The following CDK14 variants were observed in gnomAD, a reference collection of about 807,000 sequenced individuals.
CDK14 encodes cyclin dependent kinase 14, also known as cyclin-dependent kinase 14.
A neutral mutation model predicts 60.7 loss-of-function variants in CDK14; 34 were observed. The ratio of observed to expected loss-of-function variants is 0.56; its 90% confidence interval spans 0.43 to 0.75. The LOEUF is 0.75. Among genes scored for constraint, CDK14 ranks in the 30% least tolerant of loss-of-function variants. CDK14 has a pLI of 0.00. For synonymous variants in CDK14, 197 were observed against 203.7 expected, an observed-to-expected ratio of 0.97 and a Z score of 0.28; for missense variants, 482 against 564.1, an observed-to-expected ratio of 0.85 and a Z score of 1.47.
chr7:90,749,868 G>A (rs1396830918), intron 4 of CDK14, among the ~76,000 whole-genome samples: 1 of 152,186 alleles, frequency 6.6e-6, no homozygotes, highest in Non-Finnish European at 1.5e-5. Flanking sequence ...CCCCAGGACT[G>A]AGAAGGGAAC....
intron 10 of CDK14, among the ~76,000 whole-genome samples, chr7:91,025,619 T>C (rs952522256): frequency 6.6e-6 from 1 of 152,154 alleles, no homozygotes; most frequent in Non-Finnish European, 1.5e-5. Context: ...CTGACAAAGC[T>C]AGCAGGAGAA....
At position 90,790,612 on chromosome 7, in the gene CDK14, G is replaced by T; in HGVS notation, c.504G>T (p.Leu168=). The change falls in exon 5 of 15, where the codon CTG becomes CTT. Residue 168 remains leucine (L), a synonymous_variant. Transcript: ENST00000380050. Reference sequence around the variant, plus strand: ...TGGTAGCTCTGAAGGTGATCAGGCTGCAGGAAGAAGAAGGGACACCTTTCA... The same window carrying T: ...TGGTAGCTCTGAAGGTGATCAGGCTTCAGGAAGAAGAAGGGACACCTTTCA... ...GKLVALKVIR[L]QEEEGTPFTA... 1 of 1,612,890 alleles carries T rather than the reference G, an allele frequency of 6.2e-7. No homozygotes were observed.
At chr7:91,181,066 A>G (rs935487352) in intron 14 of CDK14, among the ~76,000 whole-genome samples, 3 of 152,176 alleles carry the variant, frequency 2.0e-5, no homozygotes, top group Admixed American at 1.3e-4. Flanking sequence ...TCACAACACC[A>G]TGGTCACACT....
chr7:90,722,976 C>G (rs1226135831), intron 2 of CDK14, among the ~76,000 whole-genome samples: 3 of 152,118 alleles, frequency 2.0e-5, no homozygotes, highest in Non-Finnish European at 2.9e-5. Flanking sequence ...ACTTAAAATA[C>G]AATGTTAAAT....
chr7:90,794,294 C>T (rs1331058192), intron 5 of CDK14, among the ~76,000 whole-genome samples: 2 of 152,134 alleles, frequency 1.3e-5, no homozygotes, highest in African/African-American at 4.8e-5. Context: ...TTCGGGCACG[C>T]ATTGTCATTG....
chr7:90,981,409 C>T (rs3808273), intron 9 of CDK14, among the ~76,000 whole-genome samples: 1 of 152,322 alleles, frequency 6.6e-6, no homozygotes, highest in East Asian at 1.9e-4. Context: ...AATAAAATTA[C>T]ATCCTATGAT....
intron 6 of CDK14, among the ~76,000 whole-genome samples, chr7:90,868,967 T>C (rs916954925): frequency 3.3e-5 from 5 of 152,214 alleles, no homozygotes; most frequent in Non-Finnish European, 7.3e-5. Context: ...GTCTAAGGTA[T>C]GTATGATGTT....
At chr7:90,924,020 C>A (rs892704065) in intron 8 of CDK14, among the ~76,000 whole-genome samples, 5 of 152,202 alleles carry the variant, frequency 3.3e-5, no homozygotes, top group African/African-American at 9.7e-5. Flanking sequence ...AGTGATTACA[C>A]TTGAACATTG....
At chr7:90,758,964 G>A (rs899314460) in intron 4 of CDK14, among the ~76,000 whole-genome samples, 2 of 151,272 alleles carry the variant, frequency 1.3e-5, no homozygotes, top group African/African-American at 4.9e-5. Flanking sequence ...GCTGAGGCAC[G>A]AGAGTCACTC....
At chr7:91,050,099 G>T (rs999728320) in intron 11 of CDK14, among the ~76,000 whole-genome samples, 2 of 152,230 alleles carry the variant, frequency 1.3e-5, no homozygotes, top group Admixed American at 6.5e-5. Flanking sequence ...ATGGGGAGGA[G>T]TGGAGGGCTG....
chr7:90,729,663 A>ATC (rs1802783576), intron 3 of CDK14, among the ~76,000 whole-genome samples: 1 of 151,188 alleles, frequency 6.6e-6, no homozygotes, highest in African/African-American at 2.4e-5. Flanking sequence ...TTTAATATAT[A>ATC]TTAGGTCATT....
At chr7:90,935,893 A>G (rs955383103) in intron 8 of CDK14, among the ~76,000 whole-genome samples, 1 of 152,114 alleles carries the variant, frequency 6.6e-6, no homozygotes, top group Non-Finnish European at 1.5e-5. Context: ...TACAAAAATT[A>G]AAAATTAGCC....
At chr7:90,919,904 A>C (rs974990319) in intron 8 of CDK14, among the ~76,000 whole-genome samples, 2 of 152,336 alleles carry the variant, frequency 1.3e-5, no homozygotes, top group South Asian at 2.1e-4. Flanking sequence ...TTTGGTTCTT[A>C]TGACCAGACT....
intron 3 of CDK14, among the ~76,000 whole-genome samples, chr7:90,739,395 A>C (rs1158141789): frequency 6.6e-6 from 1 of 152,188 alleles, no homozygotes; most frequent in Non-Finnish European, 1.5e-5. Context: ...CTTGTGAATG[A>C]ATGGAGATTG....
At chr7:91,203,470 A>G (rs748325209) in intron 14 of CDK14, among the ~76,000 whole-genome samples, 1 of 152,214 alleles carries the variant, frequency 6.6e-6, no homozygotes, top group Non-Finnish European at 1.5e-5. Context: ...CTTCACAGGA[A>G]GTGTCTTCAC....
chr7:90,633,662 A>C (rs542875423), intron 2 of CDK14, among the ~76,000 whole-genome samples: 9 of 152,354 alleles, frequency 5.9e-5, no homozygotes, highest in African/African-American at 2.2e-4. Context: ...TCTCTAAAAG[A>C]GCATTATTCA....
intron 4 of CDK14, among the ~76,000 whole-genome samples, chr7:90,790,117 A>T (rs1263906833): frequency 2.7e-5 from 4 of 148,148 alleles, no homozygotes; most frequent in Admixed American, 1.3e-4. Flanking sequence ...TTTTTTTGAG[A>T]GAGAGAGAAG....
At chr7:90,936,249 A>G (rs1402075457) in intron 8 of CDK14, among the ~76,000 whole-genome samples, 1 of 152,192 alleles carries the variant, frequency 6.6e-6, no homozygotes, top group Non-Finnish European at 1.5e-5. Flanking sequence ...GAATTTTTCA[A>G]CAGGCAGTTA....
chr7:90,781,195 T>C (rs1343522646), intron 4 of CDK14, among the ~76,000 whole-genome samples: 1 of 152,246 alleles, frequency 6.6e-6, no homozygotes, highest in African/African-American at 2.4e-5. Context: ...CATGTGTTTT[T>C]TGGCTGCATA....
Sources: gnomAD v4.1 joint callset for allele counts (sites outside exome capture counted in the v4.1 genomes callset) on GRCh38, gnomAD v4.1.1 for gene constraint, MANE v1.5 for transcripts, NCBI Gene and HGNC (gene_info 2026-07-23, HGNC 2026-07-21) for gene names.